The following SHOC1 variants were observed in gnomAD, a reference collection of about 807,000 sequenced individuals.
The protein encoded by SHOC1 is shortage in chiasmata 1.
Under a neutral mutation model 179.2 loss-of-function variants are expected in SHOC1, and 136 were observed. The ratio of observed to expected loss-of-function variants is 0.76; its 90% CI spans 0.66 to 0.87. The LOEUF is 0.87. Ranked by LOEUF, SHOC1 falls within the 40% of genes least tolerant of loss-of-function variation. The pLI, the probability that SHOC1 is intolerant of heterozygous loss-of-function variation, is 0.00. For missense variants in SHOC1, 1,538 were observed against 1,700.8 expected, an observed-to-expected ratio of 0.90 and a Z score of 1.68; for synonymous variants, 489 against 586.6, an observed-to-expected ratio of 0.83 and a Z score of 2.41.
chr9:111,750,535 A>G (rs927729903), intron 8 of SHOC1, among the ~76,000 whole-genome samples: 16 of 152,150 alleles, frequency 1.1e-4, no homozygotes, highest in Admixed American at 5.9e-4. Flanking sequence ...GGGTTTCACC[A>G]TGTTGGCCAG....
chr9:111,794,122 G>A lies in SHOC1; in HGVS notation c.-37+778C>T, dbSNP rs530978784. ...TCGCCTCAGCCTCCCGAAGTGCTGGGATTACAGGCCTGAGCCACCATATGC... is the reference window on the plus strand; with the variant it reads ...TCGCCTCAGCCTCCCGAAGTGCTGGAATTACAGGCCTGAGCCACCATATGC... On this transcript the variant is annotated intron_variant, in intron 1 of 27. Transcript: ENST00000682961. 2.6e-5 allele frequency among the ~76,000 whole-genome samples: 4 copies of A among 151,776 alleles called. No individual in the cohort carries two copies. In the South Asian group the frequency reaches 8.4e-4, roughly 32 times the overall value.
chr9:111,792,152 A>G (rs1055127695), intron 1 of SHOC1, among the ~76,000 whole-genome samples: 1 of 152,232 alleles, frequency 6.6e-6, no homozygotes, highest in African/African-American at 2.4e-5. Flanking sequence ...TGAAGCAATA[A>G]GTAAAATCTA....
chr9:111,703,418 T>C (rs551297075), intron 22 of SHOC1, among the ~76,000 whole-genome samples: 1 of 152,214 alleles, frequency 6.6e-6, no homozygotes, highest in Admixed American at 6.5e-5. Flanking sequence ...CATAGAAAAT[T>C]CCAAACTATA....
intron 8 of SHOC1, among the ~76,000 whole-genome samples, chr9:111,748,627 C>T (rs562071713): frequency 6.2e-4 from 95 of 152,246 alleles, no homozygotes; most frequent in African/African-American, 2.2e-3. Flanking sequence ...TTTCTTTTTT[C>T]TTTCTTTTAT....
At chr9:111,699,686 A>T (rs1250216679) in intron 24 of SHOC1, among the ~76,000 whole-genome samples, 2 of 152,094 alleles carry the variant, frequency 1.3e-5, no homozygotes, top group Non-Finnish European at 2.9e-5. Flanking sequence ...TAATCAAGGG[A>T]TATTTATTTT....
At chr9:111,785,244 G>A (rs959030579) in intron 3 of SHOC1, among the ~76,000 whole-genome samples, 1 of 151,996 alleles carries the variant, frequency 6.6e-6, no homozygotes, top group Non-Finnish European at 1.5e-5. Flanking sequence ...ACTATCTTAG[G>A]AAATAGCACT....
chr9:111,769,744 C>T (rs1209141473), intron 5 of SHOC1, among the ~76,000 whole-genome samples: 2 of 152,170 alleles, frequency 1.3e-5, no homozygotes, highest in Admixed American at 6.5e-5. Context: ...TGCTAGGGCA[C>T]AGGCATAAGC....
chr9:111,784,009 G>T (rs181601661), intron 3 of SHOC1, among the ~76,000 whole-genome samples: 1 of 152,188 alleles, frequency 6.6e-6, no homozygotes, highest in African/African-American at 2.4e-5. Flanking sequence ...TTTTGTGGGT[G>T]GGGGAAGACT....
rs1215764736 is a variant in SHOC1, at chr9:111,765,792, C to A, written c.443-6944G>T. Among the ~76,000 whole-genome samples the A allele has an allele frequency of 2.0e-5, 3 of 151,994 alleles. No homozygotes were observed. The East Asian group carries it at 5.9e-4, about 30-fold the overall frequency. On this transcript the variant is annotated intron_variant, in intron 5 of 27. Transcript: ENST00000682961. ...GCAGTGGCACGATCTCGGCTCACTG[C>A]AACCTCTGCCTCCCAGGTTCAAACA...
Position 111,723,774 on chromosome 9 carries a change from T to C in SHOC1, c.1954+18A>G, listed in dbSNP as rs1342587211. 1 of 1,605,532 alleles carries C rather than the reference T, an allele frequency of 6.2e-7. No individual in the cohort carries two copies. ...AACTAAGCAAATCTGAAATGCATTT[T>C]AAAAGCATATAACATACCTGACGCT... On this transcript the variant is annotated intron_variant, in intron 14 of 27. Transcript: ENST00000682961.
rs965708188 is a variant in SHOC1 at position 111,738,469 on chromosome 9, T to C, written c.1228A>G (p.Ile410Val). The stretch of plus-strand genomic sequence containing the variant: ...AGGCTTTCTTCTTTAACAGAAAATA[T>C]CTTTTTCAAATCTGTAACTGAATAT... ...SQYSVTDLKK[I>V]FSVKEESLVI... Residue 410 changes from isoleucine (I) to valine (V), a missense_variant, in exon 12 of 28, where the codon ATA (isoleucine) becomes GTA (valine). By Grantham distance (29) the Ile-to-Val change is conservative. Coordinates refer to ENST00000682961, the MANE Select transcript of SHOC1 (RefSeq NM_001378211.1). 1 of 1,603,862 alleles carries C rather than the reference T, an allele frequency of 6.2e-7. No individual in the cohort carries two copies. Among genetic ancestry groups the C allele is most frequent in the African/African-American group, 1.3e-5 (1 of 74,230 alleles).
chr9:111,733,988 A>G (rs1833708516), intron 12 of SHOC1, among the ~76,000 whole-genome samples: 1 of 152,164 alleles, frequency 6.6e-6, no homozygotes, highest in Admixed American at 6.5e-5. Flanking sequence ...GGTGAATAGA[A>G]ACTGTTTATT....
Position 111,781,179 on chromosome 9 carries a change from C to T in SHOC1, c.170-162G>A, listed in dbSNP as rs575449903. 1,039 of 598,690 alleles carry T rather than the reference C, an allele frequency of 1.7e-3. 7 individuals carry two copies. Among genetic ancestry groups the T allele is most frequent in the South Asian group, 0.01 (492 of 47,164 alleles). The allele number at this position is 598,690 out of a possible 1,614,324, so 37.1% of individuals were successfully genotyped here. A position where few individuals can be genotyped will look rare whatever the true frequency, so the allele number is the denominator to read the frequency against. On this transcript the variant is annotated intron_variant, in intron 3 of 27. Transcript: ENST00000682961. ...TTCCAAATATTTGAATAGTCATCCT[C>T]ATTATCATCAACCTACCCCCGCCCC... is the stretch of plus-strand genomic sequence containing the variant.
At chr9:111,710,463 AC>A (rs1435398512) in intron 18 of SHOC1, among the ~76,000 whole-genome samples, 1 of 152,158 alleles carries the variant, frequency 6.6e-6, no homozygotes, top group Admixed American at 6.6e-5. Flanking sequence ...TCTAGTGTGT[AC>A]TACGTATATA....
chr9:111,786,109 T>C, intron 2 of SHOC1, 74 bp from the exon 3 acceptor site: 4 of 1,034,208 alleles, frequency 3.9e-6, no homozygotes, highest in Non-Finnish European at 5.2e-6. Context: ...ATTAAAATTC[T>C]CTATACTTTG....
Position 111,780,855 on chromosome 9 carries a change from C to G in SHOC1, c.257+75G>C, listed in dbSNP as rs952006480. ...AGAGATAAAGGAAGAGATTTTCCCT[C>G]TTTAGGTATCTGGAGAACTTACTGT... is the stretch of plus-strand genomic sequence containing the variant. On this transcript the variant is annotated intron_variant, in intron 4 of 27. Coordinates refer to ENST00000682961, the MANE Select transcript of SHOC1 (RefSeq NM_001378211.1). 10 of 998,328 alleles carry G rather than the reference C, an allele frequency of 1.0e-5. No homozygotes were observed. The African/African-American group carries it at 1.5e-4, about 15-fold the overall frequency. The allele number at this position is 998,328 out of a possible 1,614,324, so 61.8% of individuals were successfully genotyped here. A position where few individuals can be genotyped will look rare whatever the true frequency, so the allele number is the denominator to read the frequency against.
At chr9:111,722,658 G>A (rs2131415000) in intron 14 of SHOC1, 73 bp from the exon 15 acceptor site, 2 of 1,271,138 alleles carry the variant, frequency 1.6e-6, no homozygotes, top group Admixed American at 2.6e-5. Flanking sequence ...CCAATTAAAT[G>A]TTATTTCGTG....
chr9:111,713,730 T>C (rs894123613), intron 17 of SHOC1, among the ~76,000 whole-genome samples: 16 of 152,330 alleles, frequency 1.1e-4, no homozygotes, highest in African/African-American at 3.8e-4. Context: ...CTATTTGAAA[T>C]GCTTTTCTGC....
In SHOC1 at chr9:111,791,411, G is replaced by A; in HGVS notation, c.8C>T (p.Ser3Leu). The A allele has an allele frequency of 6.8e-7, 1 of 1,476,208 alleles. No individual in the cohort carries two copies. The highest frequency in any genetic ancestry group is 9.0e-7 in the Non-Finnish European group (1 of 1,109,720). 91.4% of individuals were successfully genotyped at this position (1,476,208 alleles called of 1,614,324 possible). A position where few individuals can be genotyped will look rare whatever the true frequency, so the allele number is the denominator to read the frequency against. The change falls in exon 2 of 28, where the codon TCA (serine) becomes TTA (leucine). Residue 3 changes from serine (S) to leucine (L), a missense_variant. Physicochemically the swap from Ser to Leu is moderately radical, Grantham distance 145. Transcript: ENST00000682961. ...GTCTATTGCATGATATTTCAATGCT[G>A]AAAACATATCTTCTTTCTTTCAAAG... is the stretch of plus-strand genomic sequence containing the variant. The part of the protein sequence containing the change: MF[S>L]ALKYHAIDYL...
Sources: gnomAD v4.1 joint callset for allele counts (sites outside exome capture counted in the v4.1 genomes callset) on GRCh38, gnomAD v4.1.1 for gene constraint, MANE v1.5 for transcripts, NCBI Gene and HGNC (gene_info 2026-07-23, HGNC 2026-07-21) for gene names.